CARNMT1: variants seen among roughly 807,000 people sequenced by gnomAD.
The protein encoded by CARNMT1 is protein-L-histidine N-pros-methyltransferase CARNMT1.
In CARNMT1, 28 loss-of-function variants were observed where a neutral mutation model predicts 49.6. That is an observed-to-expected ratio of 0.56 (90% confidence interval 0.42 to 0.77). The LOEUF (loss-of-function observed/expected upper bound fraction) is 0.77. CARNMT1 is among the 30% of genes least tolerant of loss of function. The probability of loss-of-function intolerance (pLI) is 0.00; values close to 1 mark genes in which losing one functional copy is unlikely to be tolerated. For synonymous variants in CARNMT1, 178 were observed against 175.0 expected (o/e 1.02, Z -0.13); for missense variants, 421 against 512.6 (o/e 0.82, Z 1.73).
rs962507189 is a variant in CARNMT1 at position 74,983,756 on chromosome 9, A to C, written c.*11T>G. ...ACTAAACTTTTTTCCAGGTGGTATCACTTGAGACCATTATTGTGGCTTACG... is the reference window on the plus strand; with the variant it reads ...ACTAAACTTTTTTCCAGGTGGTATCCCTTGAGACCATTATTGTGGCTTACG... On this transcript the variant is annotated 3_prime_UTR_variant, in exon 8 of 8. Transcript: ENST00000376834. The C allele has an allele frequency of 2.0e-6, 3 of 1,527,412 alleles. No individual in the cohort carries two copies. The highest frequency in any genetic ancestry group is 2.7e-6 in the Non-Finnish European group (3 of 1,120,730). The allele number at this position is 1,527,412 out of a possible 1,614,324, so 94.6% of individuals were successfully genotyped here. A position where few individuals can be genotyped will look rare whatever the true frequency, so the allele number is the denominator to read the frequency against.
intron 1 of CARNMT1, chr9:75,027,245 G>A (rs1822557754): frequency 2.3e-6 from 2 of 883,016 alleles, no homozygotes; most frequent in Non-Finnish European, 3.1e-6. Context: ...AAACGTGGAA[G>A]TTAGGGAGCT....
intron 3 of CARNMT1, among the ~76,000 whole-genome samples, chr9:75,014,549 G>GGGAA (rs1833789410): frequency 6.6e-6 from 1 of 152,118 alleles, no homozygotes; most frequent in African/African-American, 2.4e-5. Flanking sequence ...GAGGGAGGGA[G>GGGAA]GGAAGACGGA....
In CARNMT1 at chr9:74,981,241, CCTTG is replaced by C. The variant is rs1832684801; in HGVS notation, c.*2522_*2525del. On this transcript the variant is annotated 3_prime_UTR_variant, in exon 8 of 8. Transcript: ENST00000376834. ...TTCTCCTTATATTGTACATGTTCCACCTTGCTCACTTGATTAGCATACCCTATAT... is the reference window on the plus strand; with the variant it reads ...TTCTCCTTATATTGTACATGTTCCACCTCACTTGATTAGCATACCCTATAT... The C allele has an allele frequency of 1.3e-5, 2 of 152,044 alleles. No homozygotes were observed. The highest frequency in any genetic ancestry group is 4.8e-5 in the African/African-American group (2 of 41,388). The allele number at this position is 152,044 out of a possible 1,614,324, so 9.4% of individuals were successfully genotyped here.
At chr9:75,001,366 G>A (rs1169156914) in intron 3 of CARNMT1, among the ~76,000 whole-genome samples, 3 of 152,064 alleles carry the variant, frequency 2.0e-5, no homozygotes, top group Admixed American at 6.5e-5. Flanking sequence ...CTTAATGACT[G>A]CTTTTATCAA....
At chr9:74,994,167 G>A (rs1833118992) in intron 6 of CARNMT1, among the ~76,000 whole-genome samples, 1 of 152,184 alleles carries the variant, frequency 6.6e-6, no homozygotes, top group African/African-American at 2.4e-5. Flanking sequence ...AAGGCTATGT[G>A]AATACACAGC....
intron 2 of CARNMT1, 186 bp from the exon 3 acceptor site, chr9:75,016,617 C>T: frequency 1.8e-6 from 1 of 561,134 alleles, no homozygotes; most frequent in Non-Finnish European, 3.1e-6. Flanking sequence ...CTCACTGCTA[C>T]CCTCAAAAGA....
At chr9:74,995,610 T>C (rs1833164361) in intron 6 of CARNMT1, among the ~76,000 whole-genome samples, 1 of 152,186 alleles carries the variant, frequency 6.6e-6, no homozygotes, top group African/African-American at 2.4e-5. Context: ...AAATTTCTGG[T>C]AAATTAAAAT....
At chr9:75,023,528 C>A (rs1273244599) in intron 1 of CARNMT1, among the ~76,000 whole-genome samples, 1 of 152,186 alleles carries the variant, frequency 6.6e-6, no homozygotes, top group Non-Finnish European at 1.5e-5. Context: ...GATCCTTAAA[C>A]CCCTGGTTAC....
intron 1 of CARNMT1, among the ~76,000 whole-genome samples, chr9:75,027,782 G>A (rs1302749752): frequency 6.6e-6 from 1 of 152,250 alleles, no homozygotes; most frequent in Non-Finnish European, 1.5e-5. Context: ...CCTGAGGTCA[G>A]AAGACACGAG....
chr9:74,996,151 C>A (rs1253072352), intron 6 of CARNMT1: 2 of 223,950 alleles, frequency 8.9e-6, no homozygotes, highest in African/African-American at 4.6e-5. Context: ...ACTGTCTCAG[C>A]ATGTGGGATG....
At chr9:74,993,766 G>A (rs765216420) in intron 6 of CARNMT1, among the ~76,000 whole-genome samples, 15 of 152,058 alleles carry the variant, frequency 9.9e-5, no homozygotes, top group Non-Finnish European at 2.1e-4. Context: ...ATACAGGTCA[G>A]ACCCCCACTT....
intron 2 of CARNMT1, 195 bp downstream of exon 2, chr9:75,017,058 A>T: frequency 1.9e-6 from 1 of 513,406 alleles, no homozygotes; most frequent in Non-Finnish European, 3.4e-6. Flanking sequence ...TTAGTACTTA[A>T]AAAAGGAAAA....
At chr9:75,017,200 A>G (rs763531317) in intron 2 of CARNMT1, 53 bp downstream of exon 2, 5 of 1,388,050 alleles carry the variant, frequency 3.6e-6, no homozygotes, top group Non-Finnish European at 5.0e-6. Context: ...AAAGACCTCA[A>G]AATACAGAGG....
At chr9:74,999,004 T>C (rs1833279700) in intron 4 of CARNMT1, among the ~76,000 whole-genome samples, 2 of 152,162 alleles carry the variant, frequency 1.3e-5, no homozygotes, top group African/African-American at 4.8e-5. Context: ...GAGATATAAA[T>C]GTGCTGTTCA....
intron 1 of CARNMT1, among the ~76,000 whole-genome samples, chr9:75,022,754 T>C (rs1299129777): frequency 2.0e-5 from 3 of 152,116 alleles, no homozygotes; most frequent in African/African-American, 7.2e-5. Context: ...AAAACTCATA[T>C]CCAAAGTGAA....
chr9:75,018,688 G>A (rs1028858467), intron 1 of CARNMT1, among the ~76,000 whole-genome samples: 3 of 152,142 alleles, frequency 2.0e-5, no homozygotes, highest in South Asian at 2.1e-4. Flanking sequence ...AGAAACAGGT[G>A]GGCGCAGTGG....
intron 1 of CARNMT1, among the ~76,000 whole-genome samples, chr9:75,018,743 G>A (rs556771583): frequency 7.2e-5 from 11 of 152,192 alleles, no homozygotes; most frequent in South Asian, 2.1e-4. Context: ...CAATGTGGGC[G>A]GATCACTTGA....
chr9:75,028,046 A>G lies in CARNMT1; in HGVS notation c.196T>C (p.Phe66Leu). The change falls in exon 1 of 8, where the codon TTC (phenylalanine) becomes CTC (leucine). Residue 66 changes from phenylalanine (F) to leucine (L), a missense_variant. This residue lies in a region of CARNMT1 where 186 missense variants were observed against 167.9 expected (regional missense o/e 1.11). Transcript: ENST00000376834. Reference sequence around the variant, plus strand: ...CGGAAGGCATTAATGATCTTCCAGAAGTGCTCACGCTCAAGCCTCTCCTCC... The same window carrying G: ...CGGAAGGCATTAATGATCTTCCAGAGGTGCTCACGCTCAAGCCTCTCCTCC... ...EEEERLEREH[F>L]WKIINAFRYY... is the part of the protein sequence containing the mutation. 6.3e-7 allele frequency: 1 copy of G among 1,578,674 alleles called. No individual in the cohort carries two copies. Among genetic ancestry groups the G allele is most frequent in the Non-Finnish European group, 8.6e-7 (1 of 1,164,892 alleles).
chr9:75,026,274 T>C (rs911611197), intron 1 of CARNMT1, among the ~76,000 whole-genome samples: 32 of 152,296 alleles, frequency 2.1e-4, no homozygotes, highest in Non-Finnish European at 2.1e-4. Flanking sequence ...ACACTTCAGT[T>C]CCTGATCAAC....
Sources: gnomAD v4.1 joint callset for allele counts (sites outside exome capture counted in the v4.1 genomes callset) on GRCh38, gnomAD v4.1.1 for gene constraint, gnomAD v4.1.1 regional missense constraint, MANE v1.5 for transcripts, NCBI Gene and HGNC (gene_info 2026-07-23, HGNC 2026-07-21) for gene names.